SRD5A1: variants seen among roughly 807,000 people sequenced by gnomAD.
SRD5A1 encodes the protein 3-oxo-5-alpha-steroid 4-dehydrogenase 1.
SRD5A1 carries 22 observed loss-of-function variants against 28.2 expected under a neutral mutation model. The observed-to-expected ratio is 0.78, with a 90% confidence interval of 0.56 to 1.12. The LOEUF (loss-of-function observed/expected upper bound fraction) is 1.12. SRD5A1 is among the 50% of genes most tolerant of loss of function. The probability of loss-of-function intolerance (pLI) is 0.00; values close to 1 mark genes in which losing one functional copy is unlikely to be tolerated. For missense variants in SRD5A1, 300 were observed against 346.7 expected (o/e 0.87, Z 1.07); for synonymous variants, 151 against 135.0 (o/e 1.12, Z -0.82).
chr5:6,642,746 C>A (rs1296021603), intron 1 of SRD5A1, among the ~76,000 whole-genome samples: 2 of 152,174 alleles, frequency 1.3e-5, no homozygotes, highest in African/African-American at 4.8e-5. Flanking sequence ...GTGGTGAGGG[C>A]AGTTCTTGCT....
intron 1 of SRD5A1, among the ~76,000 whole-genome samples, chr5:6,635,857 T>G (rs1274410416): frequency 6.6e-6 from 1 of 152,034 alleles, no homozygotes; most frequent in East Asian, 1.9e-4. Context: ...AGCAGAAAAA[T>G]GAATGCAGCC....
chr5:6,645,147 G>T (rs1471812296), intron 1 of SRD5A1: 1 of 377,982 alleles, frequency 2.6e-6, no homozygotes, highest in Admixed American at 3.2e-5. Context: ...GGAGTGCTGG[G>T]GAGAGAGTGG....
At chr5:6,664,587 G>A (rs949856521) in intron 4 of SRD5A1, among the ~76,000 whole-genome samples, 3 of 152,098 alleles carry the variant, frequency 2.0e-5, no homozygotes, top group African/African-American at 7.2e-5. Flanking sequence ...TATATTTTTT[G>A]TAGAGTTGTG....
intron 4 of SRD5A1, among the ~76,000 whole-genome samples, chr5:6,667,813 G>A (rs1327894028): frequency 7.9e-5 from 12 of 152,156 alleles, no homozygotes; most frequent in Admixed American, 6.6e-4. Flanking sequence ...ACTGCAGGCT[G>A]GAGAAAACTG....
intron 4 of SRD5A1, among the ~76,000 whole-genome samples, chr5:6,664,567 G>A (rs1739105071): frequency 6.6e-6 from 1 of 152,134 alleles, no homozygotes; most frequent in Non-Finnish European, 1.5e-5. Context: ...ACCAGGCCTG[G>A]CTAATTTTTT....
At chr5:6,636,421 C>T (rs1020546311) in intron 1 of SRD5A1, among the ~76,000 whole-genome samples, 2 of 152,182 alleles carry the variant, frequency 1.3e-5, no homozygotes, top group African/African-American at 2.4e-5. Flanking sequence ...CCTGAGGAGG[C>T]GCTGGCCAGG....
rs1443745353 is a variant in SRD5A1, at chr5:6,673,248, G to A, written c.*4980G>A. ...AAACATATTTCTCCCATAACAATAA[G>A]CCAGTTCTTTTTGCTTTGAATCAGA... On this transcript the variant is annotated 3_prime_UTR_variant, in exon 5 of 5. Coordinates refer to ENST00000274192, the MANE Select transcript of SRD5A1 (RefSeq NM_001047.4). 1 of 152,140 alleles carries A rather than the reference G, an allele frequency of 6.6e-6. No homozygotes were observed. Among genetic ancestry groups the A allele is most frequent in the Non-Finnish European group, 1.5e-5 (1 of 68,024 alleles). The allele number at this position is 152,140 out of a possible 1,614,324, so 9.4% of individuals were successfully genotyped here.
chr5:6,652,138 C>T (rs1026032205), intron 2 of SRD5A1, 130 bp downstream of exon 2: 42 of 1,094,754 alleles, frequency 3.8e-5, no homozygotes, highest in Admixed American at 1.1e-4. Context: ...AGCAGCACCC[C>T]GGAGTCCCAT....
At chr5:6,660,872 G>A (rs1418577019) in intron 3 of SRD5A1, among the ~76,000 whole-genome samples, 1 of 152,190 alleles carries the variant, frequency 6.6e-6, no homozygotes, top group African/African-American at 2.4e-5. Flanking sequence ...AATCATGGCA[G>A]AAGGCAAAGG....
At position 6,669,643 on chromosome 5, in the gene SRD5A1, A is replaced by T. The variant is rs1053346505; in HGVS notation, c.*1375A>T. 2.6e-5 allele frequency: 4 copies of T among 152,262 alleles called. No individual in the cohort carries two copies. The East Asian group carries it at 7.7e-4, about 29-fold the overall frequency. The allele number at this position is 152,262 out of a possible 1,614,324, so 9.4% of individuals were successfully genotyped here. On this transcript the variant is annotated 3_prime_UTR_variant, in exon 5 of 5. Transcript: ENST00000274192. ...TTTCCTGTTTTTATTTGGTTTTTTC[A>T]ACTTCTTCTGTTTACTATCTACAGT...
intron 2 of SRD5A1, among the ~76,000 whole-genome samples, 188 bp from the exon 3 acceptor site, chr5:6,655,890 G>A (rs540212): frequency 0.6 from 90,690 of 152,044 alleles, 27,708 homozygotes; most frequent in African/African-American, 0.72. Context: ...GTATTATTAG[G>A]AAAACAAAGC....
intron 1 of SRD5A1, among the ~76,000 whole-genome samples, chr5:6,634,151 C>A (rs754929077): frequency 6.6e-6 from 1 of 152,160 alleles, no homozygotes; most frequent in African/African-American, 2.4e-5. Context: ...TGGAAAGAGC[C>A]ACTCAGTGGT....
chr5:6,644,299 T>C (rs1738445041), intron 1 of SRD5A1, among the ~76,000 whole-genome samples: 1 of 152,238 alleles, frequency 6.6e-6, no homozygotes, highest in African/African-American at 2.4e-5. Flanking sequence ...CGACCTCTTA[T>C]GAACTGAGTC....
chr5:6,649,299 A>G (rs1179012906), intron 1 of SRD5A1, among the ~76,000 whole-genome samples: 1 of 152,212 alleles, frequency 6.6e-6, no homozygotes, highest in Non-Finnish European at 1.5e-5. Flanking sequence ...GAGACGTTTA[A>G]GTCTGCTGAA....
chr5:6,633,649 T>C lies in SRD5A1; in HGVS notation c.73T>C (p.Cys25Arg). The C allele has an allele frequency of 6.4e-7, 1 of 1,566,532 alleles. No homozygotes were observed. The highest frequency in any genetic ancestry group is 8.6e-7 in the Non-Finnish European group (1 of 1,163,542). ...CGCCTACCTGCAGTGCGCCGTGGGCTGCGCGGTCTTCGCGCGCAATCGTCA... is the reference window on the plus strand; with the variant it reads ...CGCCTACCTGCAGTGCGCCGTGGGCCGCGCGGTCTTCGCGCGCAATCGTCA... Reference protein sequence around the residue: ...ALAYLQCAVGCAVFARNRQTN... With the variant: ...ALAYLQCAVGRAVFARNRQTN... The change falls in exon 1 of 5, where the codon TGC becomes CGC. Residue 25 changes from cysteine to arginine, a missense_variant. Physicochemically the swap from Cys to Arg is radical, Grantham distance 180 (BLOSUM62 -3). This residue lies in a region of SRD5A1 where 174 missense variants were observed against 160.9 expected (regional missense o/e 1.08). Transcript: ENST00000274192.
chr5:6,640,684 A>G (rs182923448), intron 1 of SRD5A1, among the ~76,000 whole-genome samples: 1 of 152,312 alleles, frequency 6.6e-6, no homozygotes, highest in Admixed American at 6.5e-5. Context: ...CTGGAAAGAA[A>G]TAAGATAAAA....
intron 4 of SRD5A1, among the ~76,000 whole-genome samples, chr5:6,666,272 T>G (rs1016294995): frequency 6.6e-6 from 1 of 152,022 alleles, no homozygotes; most frequent in Non-Finnish European, 1.5e-5. Flanking sequence ...CTCAGCCTCC[T>G]GAGTAGCTGG....
chr5:6,636,213 C>T (rs1417467042), intron 1 of SRD5A1, among the ~76,000 whole-genome samples: 1 of 152,152 alleles, frequency 6.6e-6, no homozygotes, highest in Non-Finnish European at 1.5e-5. Flanking sequence ...GTCACTTGAT[C>T]TAAGTCATGA....
At chr5:6,654,192 A>G (rs1254023630) in intron 2 of SRD5A1, among the ~76,000 whole-genome samples, 2 of 151,854 alleles carry the variant, frequency 1.3e-5, no homozygotes, top group Non-Finnish European at 2.9e-5. Flanking sequence ...AGCTGGGACT[A>G]TAGGTGCATG....
Sources: allele counts gnomAD v4.1 joint callset (sites outside exome capture counted in the v4.1 genomes callset), GRCh38; gene constraint gnomAD v4.1.1; regional missense constraint gnomAD v4.1.1; transcripts MANE v1.5; gene names NCBI Gene and HGNC (gene_info 2026-07-23, HGNC 2026-07-21).